PDE3A: variants seen among roughly 807,000 people sequenced by gnomAD.
PDE3A encodes the protein cGMP-inhibited 3',5'-cyclic phosphodiesterase 3A.
Under a neutral mutation model 98.3 loss-of-function variants are expected in PDE3A, and 43 were observed. The observed-to-expected ratio is 0.44, with a 90% CI of 0.34 to 0.56. PDE3A has a LOEUF of 0.56. PDE3A is among the 20% of genes least tolerant of loss of function. The probability of loss-of-function intolerance (pLI) is 0.01; values close to 1 mark genes in which losing one functional copy is unlikely to be tolerated. For synonymous variants in PDE3A, 663 were observed against 567.9 expected, an observed-to-expected ratio of 1.17 and a Z score of -2.38; for missense variants, 1,427 against 1,440.7, an observed-to-expected ratio of 0.99 and a Z score of 0.15.
chr12:20,584,844 C>T (rs1027309847), intron 2 of PDE3A, among the ~76,000 whole-genome samples: 1 of 152,224 alleles, frequency 6.6e-6, no homozygotes, highest in Non-Finnish European at 1.5e-5. Flanking sequence ...CCCCTTAAAG[C>T]AAGCTACCTG....
chr12:20,550,657 G>T (rs1466786491), intron 1 of PDE3A, among the ~76,000 whole-genome samples: 1 of 151,990 alleles, frequency 6.6e-6, no homozygotes, highest in Non-Finnish European at 1.5e-5. Context: ...ACCCAAAATT[G>T]TGTGCTAGCC....
At chr12:20,631,029 T>G (rs946365864) in intron 6 of PDE3A, among the ~76,000 whole-genome samples, 2 of 152,168 alleles carry the variant, frequency 1.3e-5, no homozygotes, top group African/African-American at 4.8e-5. Context: ...ATATTAAGCC[T>G]CATAATTTTC....
At chr12:20,603,951 A>C (rs914280950) in intron 2 of PDE3A, among the ~76,000 whole-genome samples, 1 of 152,060 alleles carries the variant, frequency 6.6e-6, no homozygotes, top group African/African-American at 2.4e-5. Context: ...CAGGCGGATC[A>C]CAAAGTCAGG....
Position 20,648,897 on chromosome 12 carries a change from T to C in PDE3A, c.2769+6T>C. On this transcript the variant is annotated splice_donor_region_variant and intron_variant, in intron 13 of 15. Coordinates refer to ENST00000359062, the MANE Select transcript of PDE3A (RefSeq NM_000921.5). ...TAGCCAAATTTAATGGCAAGGTAAATAGAGCTGTACCCAGTTTTCTTTTCT... is the reference window on the plus strand; with the variant it reads ...TAGCCAAATTTAATGGCAAGGTAAACAGAGCTGTACCCAGTTTTCTTTTCT... The C allele has an allele frequency of 2.5e-6, 4 of 1,578,454 alleles. No homozygotes were observed. The highest frequency in any genetic ancestry group is 1.3e-5 in the African/African-American group (1 of 74,176).
chr12:20,623,159 T>G (rs2121486714), intron 5 of PDE3A, among the ~76,000 whole-genome samples: 1 of 152,124 alleles, frequency 6.6e-6, no homozygotes. Context: ...TAGAGAAAGA[T>G]CGGAAGAAAT....
chr12:20,578,688 G>T (rs1256977189), intron 2 of PDE3A, among the ~76,000 whole-genome samples: 5 of 152,052 alleles, frequency 3.3e-5, no homozygotes, highest in Admixed American at 3.3e-4. Context: ...ATTATTATTA[G>T]ATCTGGTTCT....
Position 20,368,696 on chromosome 12 carries a change from G to T in PDE3A, c.-589G>T, listed in dbSNP as rs1335120390. Among the ~76,000 whole-genome samples the T allele has an allele frequency of 1.3e-5, 2 of 152,040 alleles. No homozygotes were observed. The highest frequency in any genetic ancestry group is 3.9e-4 in the East Asian group (2 of 5,116). On this transcript the variant is annotated 5_prime_UTR_variant, in exon 1 of 16. Transcript: ENST00000359062. ...CCCAGGGAATGGCGATTCGCGTCCT[G>T]GGGCCGTGCCGGGGAGAATCGGCCG... is the stretch of plus-strand genomic sequence containing the variant.
At chr12:20,538,842 C>T (rs1357345297) in intron 1 of PDE3A, among the ~76,000 whole-genome samples, 2 of 151,970 alleles carry the variant, frequency 1.3e-5, no homozygotes, top group Non-Finnish European at 2.9e-5. Context: ...CGTGAGATCC[C>T]ACTACATTGT....
At chr12:20,557,592 G>A (rs1942403292) in intron 2 of PDE3A, among the ~76,000 whole-genome samples, 1 of 152,174 alleles carries the variant, frequency 6.6e-6, no homozygotes, top group African/African-American at 2.4e-5. Context: ...ATTGGAAAGT[G>A]GGGGCTTCTC....
intron 2 of PDE3A, among the ~76,000 whole-genome samples, chr12:20,570,407 CAAAAAAAAAAAAAAAAAAAAAA>C (rs61242685): frequency 4.6e-5 from 2 of 43,356 alleles, no homozygotes; most frequent in East Asian, 1.6e-3. Flanking sequence ...GACGCTGTCT[CAAAAAAAAAAAAAAAAAAAAAA>C]AAAAAAAAAG....
intron 1 of PDE3A, among the ~76,000 whole-genome samples, chr12:20,389,214 C>T (rs554540837): frequency 6.6e-6 from 1 of 151,938 alleles, no homozygotes; most frequent in Non-Finnish European, 1.5e-5. Flanking sequence ...TTTCCTTTCT[C>T]TCTCTCTCTT....
At chr12:20,534,438 G>C (rs1174406286) in intron 1 of PDE3A, among the ~76,000 whole-genome samples, 1 of 151,974 alleles carries the variant, frequency 6.6e-6, no homozygotes, top group Admixed American at 6.6e-5. Flanking sequence ...ACCTCTAATG[G>C]GTCACAGTGA....
intron 15 of PDE3A, among the ~76,000 whole-genome samples, chr12:20,665,145 A>T (rs1383694663): frequency 6.6e-6 from 1 of 152,172 alleles, no homozygotes; most frequent in African/African-American, 2.4e-5. Flanking sequence ...GACTCAGTAT[A>T]AATGTACCTG....
chr12:20,541,075 C>CTTTCTT (rs1941890167), intron 1 of PDE3A, among the ~76,000 whole-genome samples: 4 of 52,958 alleles, frequency 7.6e-5, no homozygotes, highest in African/African-American at 2.7e-4. Flanking sequence ...TGGTAACTTT[C>CTTTCTT]TTTTTTTTTT....
chr12:20,554,196 C>T (rs1942300630), intron 1 of PDE3A, among the ~76,000 whole-genome samples: 1 of 151,346 alleles, frequency 6.6e-6, no homozygotes, highest in Non-Finnish European at 1.5e-5. Context: ...CACATACCTG[C>T]AGACAAACTG....
At chr12:20,594,246 A>G (rs1943410627) in intron 2 of PDE3A, among the ~76,000 whole-genome samples, 1 of 152,184 alleles carries the variant, frequency 6.6e-6, no homozygotes, top group Non-Finnish European at 1.5e-5. Flanking sequence ...AGCGAGGAGG[A>G]AAAAGAGAAT....
intron 2 of PDE3A, among the ~76,000 whole-genome samples, chr12:20,561,558 C>T (rs528857086): frequency 1.3e-5 from 2 of 152,162 alleles, no homozygotes; most frequent in South Asian, 4.2e-4. Context: ...GGATATATGT[C>T]AGGTACTTTT....
chr12:20,494,803 G>T (rs1468402298), intron 1 of PDE3A, among the ~76,000 whole-genome samples: 2 of 151,432 alleles, frequency 1.3e-5, no homozygotes, highest in African/African-American at 4.9e-5. Flanking sequence ...TTAATAAAAA[G>T]GTTTCCATCC....
chr12:20,437,091 C>T (rs1944790669), intron 1 of PDE3A, among the ~76,000 whole-genome samples: 1 of 151,498 alleles, frequency 6.6e-6, no homozygotes, highest in Non-Finnish European at 1.5e-5. Context: ...TTGACGCTAT[C>T]TGATTCCTTT....
Sources: gnomAD v4.1 joint callset for allele counts (sites outside exome capture counted in the v4.1 genomes callset) on GRCh38, gnomAD v4.1.1 for gene constraint, MANE v1.5 for transcripts, NCBI Gene and HGNC (gene_info 2026-07-23, HGNC 2026-07-21) for gene names.